The following LPAR3 variants were observed in gnomAD, a reference collection of about 807,000 sequenced individuals.
The protein encoded by LPAR3 is lysophosphatidic acid receptor 3, also known as LPA receptor 3.
LPAR3 carries 7 observed loss-of-function variants against 17.8 expected under a neutral mutation model. The observed-to-expected ratio is 0.39, with a 90% confidence interval of 0.22 to 0.74. LPAR3 has a LOEUF of 0.74. Among genes scored for constraint, LPAR3 ranks in the 30% least tolerant of loss-of-function variants. LPAR3 has a pLI of 0.40. For missense variants in LPAR3, 391 were observed against 453.4 expected (o/e 0.86, Z 1.25); for synonymous variants, 179 against 179.9 (o/e 0.99, Z 0.04).
At chr1:84,816,629 C>G (rs1022136477) in intron 2 of LPAR3, among the ~76,000 whole-genome samples, 5 of 152,034 alleles carry the variant, frequency 3.3e-5, no homozygotes, top group Non-Finnish European at 7.4e-5. Context: ...GAAACCCTGT[C>G]TCTACTAAAA....
rs1419430352 is a variant in LPAR3 at position 84,893,178 on chromosome 1, G to C, written c.-181C>G. The C allele has an allele frequency of 1.3e-5, 2 of 152,130 alleles. No homozygotes were observed. Among genetic ancestry groups the C allele is most frequent in the African/African-American group, 4.8e-5 (2 of 41,448 alleles). 9.4% of individuals were successfully genotyped at this position (152,130 alleles called of 1,614,324 possible). A position where few individuals can be genotyped will look rare whatever the true frequency, so the allele number is the denominator to read the frequency against. ...GCGGGCGGAGCGCCTCCTCTCCAGC[G>C]ACCCCTGCGACGCGTCCAGAGCCAA... On this transcript the variant is annotated 5_prime_UTR_variant, in exon 1 of 3. Coordinates refer to ENST00000370611, the MANE Select transcript of LPAR3 (RefSeq NM_012152.3).
At chr1:84,827,500 G>A (rs939145867) in intron 2 of LPAR3, among the ~76,000 whole-genome samples, 2 of 151,264 alleles carry the variant, frequency 1.3e-5, no homozygotes, top group African/African-American at 4.9e-5. Context: ...GAGAAGTGGA[G>A]CCTACTGCTC....
intron 2 of LPAR3, among the ~76,000 whole-genome samples, chr1:84,860,959 A>C (rs1481258378): frequency 6.6e-6 from 1 of 151,916 alleles, no homozygotes; most frequent in East Asian, 1.9e-4. Flanking sequence ...GGATGGTCTC[A>C]AACTCCTGAC....
At chr1:84,856,724 G>C (rs1280696462) in intron 2 of LPAR3, among the ~76,000 whole-genome samples, 1 of 152,188 alleles carries the variant, frequency 6.6e-6, no homozygotes, top group Non-Finnish European at 1.5e-5. Flanking sequence ...CGAAGGATTT[G>C]TTAGCAAGAG....
At chr1:84,843,571 G>T (rs1659545484) in intron 2 of LPAR3, among the ~76,000 whole-genome samples, 1 of 152,256 alleles carries the variant, frequency 6.6e-6, no homozygotes, top group Non-Finnish European at 1.5e-5. Context: ...TCTTGAGCTA[G>T]GGAGAGGGGT....
At chr1:84,858,505 C>G (rs113371736) in intron 2 of LPAR3, among the ~76,000 whole-genome samples, 2 of 129,440 alleles carry the variant, frequency 1.5e-5, no homozygotes, top group Non-Finnish European at 3.5e-5. Context: ...AAAAAAAAAA[C>G]CTAAAAAACA....
intron 2 of LPAR3, among the ~76,000 whole-genome samples, chr1:84,846,270 T>G (rs750149753): frequency 4.6e-4 from 70 of 152,192 alleles, no homozygotes; most frequent in Non-Finnish European, 2.1e-4. Context: ...TTGCTCCAAT[T>G]AAGGTTAGAA....
At position 84,813,490 on chromosome 1, in the gene LPAR3, T is replaced by C. The variant is rs943624469; in HGVS notation, c.*356A>G. 3 of 202,160 alleles carry C rather than the reference T, an allele frequency of 1.5e-5. No homozygotes were observed. Among genetic ancestry groups the C allele is most frequent in the African/African-American group, 6.8e-5 (3 of 43,956 alleles). 12.5% of individuals were successfully genotyped at this position (202,160 alleles called of 1,614,324 possible). On this transcript the variant is annotated 3_prime_UTR_variant, in exon 3 of 3. Transcript: ENST00000370611. ...ATATAAGGTGGCTCAAGTAACATTA[T>C]GATTTATTTTGGTCTAAGCCCTTTC...
Position 84,818,519 on chromosome 1 carries a change from C to T in LPAR3, c.737-4348G>A, listed in dbSNP as rs892128232. ...CTTTTTTGAGTGTGTGTGCGATGCACGCATGCCAGGGGGGTGTATTATATT... is the reference window on the plus strand; with the variant it reads ...CTTTTTTGAGTGTGTGTGCGATGCATGCATGCCAGGGGGGTGTATTATATT... On this transcript the variant is annotated intron_variant, in intron 2 of 2. Transcript: ENST00000370611. Among the ~76,000 whole-genome samples, 113 of 152,024 alleles carry T rather than the reference C, an allele frequency of 7.4e-4. 1 individual carries two copies. Among genetic ancestry groups the T allele is most frequent in the Non-Finnish European group, 9.3e-4 (63 of 68,014 alleles).
intron 2 of LPAR3, among the ~76,000 whole-genome samples, chr1:84,856,247 T>G (rs1171765972): frequency 6.6e-6 from 1 of 152,180 alleles, no homozygotes; most frequent in Non-Finnish European, 1.5e-5. Context: ...CCGGACTCAA[T>G]GTACTGAGTA....
intron 2 of LPAR3, among the ~76,000 whole-genome samples, chr1:84,850,869 T>C (rs1265574086): frequency 6.6e-6 from 1 of 152,178 alleles, no homozygotes; most frequent in Middle Eastern, 3.2e-3. Context: ...CGAGTTCTTG[T>C]AGTTACGATC....
At chr1:84,828,483 AG>A (rs963827188) in intron 2 of LPAR3, among the ~76,000 whole-genome samples, 23 of 152,304 alleles carry the variant, frequency 1.5e-4, no homozygotes, top group African/African-American at 5.5e-4. Context: ...TGTTTTCTAA[AG>A]GCTTTTTAAA....
chr1:84,829,942 C>T (rs140678411), intron 2 of LPAR3, among the ~76,000 whole-genome samples: 2 of 152,182 alleles, frequency 1.3e-5, no homozygotes, highest in East Asian at 1.9e-4. Context: ...CATAAAAACC[C>T]GAAGAGAGAA....
Position 84,813,471 on chromosome 1 carries a change from G to A in LPAR3, c.*375C>T, listed in dbSNP as rs1401254656. ...ATAGACTCTCCAAGCAGCTATATAA[G>A]GTGGCTCAAGTAACATTATGATTTA... On this transcript the variant is annotated 3_prime_UTR_variant, in exon 3 of 3. Coordinates refer to ENST00000370611, the MANE Select transcript of LPAR3 (RefSeq NM_012152.3). The A allele has an allele frequency of 3.7e-5, 7 of 190,126 alleles. No homozygotes were observed. The East Asian group carries it at 6.8e-4, about 19-fold the overall frequency. 11.8% of individuals were successfully genotyped at this position (190,126 alleles called of 1,614,324 possible).
chr1:84,889,089 G>C (rs1046081275), intron 1 of LPAR3, among the ~76,000 whole-genome samples: 7 of 152,012 alleles, frequency 4.6e-5, no homozygotes, highest in Non-Finnish European at 1.0e-4. Context: ...CACAGGACAA[G>C]AGGCCAGCCA....
At chr1:84,887,410 T>C (rs1381030019) in intron 1 of LPAR3, among the ~76,000 whole-genome samples, 2 of 151,522 alleles carry the variant, frequency 1.3e-5, no homozygotes, top group African/African-American at 2.4e-5. Flanking sequence ...TTTGGCAACA[T>C]TCATAGAGGT....
intron 2 of LPAR3, among the ~76,000 whole-genome samples, chr1:84,825,268 C>T (rs1659134968): frequency 6.6e-6 from 1 of 152,192 alleles, no homozygotes; most frequent in South Asian, 2.1e-4. Flanking sequence ...TGTCACCTGA[C>T]TCCAGCAAAA....
chr1:84,827,340 G>A (rs1317585930), intron 2 of LPAR3, among the ~76,000 whole-genome samples: 1 of 152,148 alleles, frequency 6.6e-6, no homozygotes, highest in Non-Finnish European at 1.5e-5. Context: ...AGGGGCTGGG[G>A]GAGATGGAAG....
At chr1:84,822,307 T>C (rs144332022) in intron 2 of LPAR3, among the ~76,000 whole-genome samples, 99 of 152,292 alleles carry the variant, frequency 6.5e-4, no homozygotes, top group African/African-American at 2.3e-3. Flanking sequence ...TTAAATAAAC[T>C]AGTTTGAGAG....
Sources: gnomAD v4.1 joint callset for allele counts (sites outside exome capture counted in the v4.1 genomes callset) on GRCh38, gnomAD v4.1.1 for gene constraint, MANE v1.5 for transcripts, NCBI Gene and HGNC (gene_info 2026-07-23, HGNC 2026-07-21) for gene names.